The following SPATA17 variants were observed in gnomAD, a reference collection of about 807,000 sequenced individuals.
SPATA17 encodes the protein spermatogenesis-associated protein 17.
SPATA17 carries 53 observed loss-of-function variants against 62.2 expected under a neutral mutation model. That is an observed-to-expected ratio of 0.85 (90% CI 0.68 to 1.07). The LOEUF (loss-of-function observed/expected upper bound fraction) is 1.07, where lower values mean the gene tolerates loss of function less well. Ranked by LOEUF, SPATA17 falls within the 50% of genes least tolerant of loss-of-function variation. The pLI, the probability that SPATA17 is intolerant of heterozygous loss-of-function variation, is 0.00. For missense variants in SPATA17, 466 were observed against 425.5 expected (o/e 1.10, Z -0.84); for synonymous variants, 146 against 146.8 (o/e 0.99, Z 0.04).
chr1:217,838,603 ACTAT>A (rs1221852706), intron 9 of SPATA17, among the ~76,000 whole-genome samples: 1 of 152,080 alleles, frequency 6.6e-6, no homozygotes, highest in Non-Finnish European at 1.5e-5. Context: ...ATAGATATAT[ACTAT>A]CTATTTTGGA....
At chr1:217,826,064 A>G (rs1674994038) in intron 9 of SPATA17, among the ~76,000 whole-genome samples, 3 of 151,994 alleles carry the variant, frequency 2.0e-5, no homozygotes, top group Non-Finnish European at 4.4e-5. Flanking sequence ...TGCTGTAACA[A>G]TATACTACAG....
Position 217,867,853 on chromosome 1 carries a change from G to A in SPATA17, c.*834G>A, listed in dbSNP as rs1396625932. On this transcript the variant is annotated 3_prime_UTR_variant, in exon 11 of 11. Transcript: ENST00000366933. ...AATCTTTGTTTCTTGCATCTGAAGA[G>A]AATAACACTAAACTTATTGCATATG... 2 of 152,170 alleles carry A rather than the reference G, an allele frequency of 1.3e-5. No individual in the cohort carries two copies. The highest frequency in any genetic ancestry group is 2.9e-5 in the Non-Finnish European group (2 of 68,046). The allele number at this position is 152,170 out of a possible 1,614,324, so 9.4% of individuals were successfully genotyped here. A position where few individuals can be genotyped will look rare whatever the true frequency, so the allele number is the denominator to read the frequency against.
intron 1 of SPATA17, among the ~76,000 whole-genome samples, chr1:217,647,782 G>A (rs1000938274): frequency 1.6e-4 from 24 of 151,790 alleles, no homozygotes; most frequent in African/African-American, 5.6e-4. Flanking sequence ...GGAGTGCAAT[G>A]GCGCTATCTC....
chr1:217,792,953 G>A (rs1386868759), intron 8 of SPATA17, among the ~76,000 whole-genome samples: 1 of 152,140 alleles, frequency 6.6e-6, no homozygotes, highest in Non-Finnish European at 1.5e-5. Context: ...AAATTTGATA[G>A]CATGGAGGAT....
chr1:217,755,723 T>G (rs1673025885), intron 6 of SPATA17, among the ~76,000 whole-genome samples: 1 of 151,976 alleles, frequency 6.6e-6, no homozygotes, highest in Non-Finnish European at 1.5e-5. Context: ...ATAATATAAT[T>G]TTGTTGTATT....
chr1:217,835,769 C>T (rs987969681), intron 9 of SPATA17, among the ~76,000 whole-genome samples: 7 of 152,102 alleles, frequency 4.6e-5, no homozygotes, highest in African/African-American at 1.4e-4. Flanking sequence ...TTGCCAACCA[C>T]TATTCCAGAG....
At chr1:217,686,427 T>G (rs1671215523) in intron 5 of SPATA17, among the ~76,000 whole-genome samples, 1 of 152,172 alleles carries the variant, frequency 6.6e-6, no homozygotes, top group African/African-American at 2.4e-5. Flanking sequence ...CTTTAGTTGT[T>G]TTAGTCCATT....
intron 5 of SPATA17, among the ~76,000 whole-genome samples, chr1:217,692,696 C>T (rs919723549): frequency 2.5e-5 from 3 of 119,882 alleles, no homozygotes; most frequent in African/African-American, 9.6e-5. Context: ...GAGTTTTTAG[C>T]ATGAAGGTTG....
intron 7 of SPATA17, among the ~76,000 whole-genome samples, chr1:217,780,031 G>C (rs1289926489): frequency 2.0e-5 from 3 of 151,916 alleles, no homozygotes; most frequent in Non-Finnish European, 4.4e-5. Flanking sequence ...GGATGATCTA[G>C]GTATTCTAGG....
chr1:217,739,884 T>C (rs1209160700), intron 5 of SPATA17, among the ~76,000 whole-genome samples: 1 of 152,130 alleles, frequency 6.6e-6, no homozygotes, highest in Non-Finnish European at 1.5e-5. Context: ...TGGATGAATT[T>C]ATTAAATTAA....
chr1:217,749,058 T>A (rs1287774870), intron 6 of SPATA17, among the ~76,000 whole-genome samples: 1 of 152,166 alleles, frequency 6.6e-6, no homozygotes. Context: ...ATTACATTTG[T>A]GTGGGTATGT....
chr1:217,747,784 A>G (rs1404459583), intron 6 of SPATA17, among the ~76,000 whole-genome samples: 1 of 152,194 alleles, frequency 6.6e-6, no homozygotes, highest in African/African-American at 2.4e-5. Context: ...CATAATTTAT[A>G]CGATAGATTT....
intron 9 of SPATA17, among the ~76,000 whole-genome samples, chr1:217,815,001 G>A (rs552693224): frequency 1.3e-5 from 2 of 152,096 alleles, no homozygotes; most frequent in Non-Finnish European, 2.9e-5. Flanking sequence ...AATTAAACTC[G>A]TAACCTTATG....
intron 3 of SPATA17, among the ~76,000 whole-genome samples, chr1:217,661,995 C>A (rs1455203643): frequency 6.6e-6 from 1 of 152,122 alleles, no homozygotes; most frequent in Non-Finnish European, 1.5e-5. Context: ...ATAAGTCATT[C>A]TTTTAAGCAA....
chr1:217,861,652 C>T (rs1369137283), intron 9 of SPATA17, among the ~76,000 whole-genome samples: 1 of 152,146 alleles, frequency 6.6e-6, no homozygotes, highest in African/African-American at 2.4e-5. Context: ...CTCAGCCCCA[C>T]AGGAAAATGA....
At chr1:217,678,647 G>T (rs1671009574) in intron 4 of SPATA17, among the ~76,000 whole-genome samples, 1 of 152,066 alleles carries the variant, frequency 6.6e-6, no homozygotes. Flanking sequence ...AATATATCAA[G>T]GTTTTGCCAT....
At chr1:217,664,915 A>C (rs931738014) in intron 3 of SPATA17, among the ~76,000 whole-genome samples, 1 of 152,136 alleles carries the variant, frequency 6.6e-6, no homozygotes, top group Non-Finnish European at 1.5e-5. Context: ...CAGGGGAGAT[A>C]GGATTTGGAC....
At chr1:217,711,020 A>G (rs895765387) in intron 5 of SPATA17, among the ~76,000 whole-genome samples, 2 of 152,242 alleles carry the variant, frequency 1.3e-5, no homozygotes, top group Non-Finnish European at 2.9e-5. Flanking sequence ...GTCAAATAAC[A>G]TTTCATCGTA....
chr1:217,831,588 C>T (rs1675144126), intron 9 of SPATA17, among the ~76,000 whole-genome samples: 1 of 152,034 alleles, frequency 6.6e-6, no homozygotes, highest in Non-Finnish European at 1.5e-5. Flanking sequence ...ATAAAAAGGC[C>T]TACTCCAAAA....
Sources: gnomAD v4.1 joint callset for allele counts (sites outside exome capture counted in the v4.1 genomes callset) on GRCh38, gnomAD v4.1.1 for gene constraint, MANE v1.5 for transcripts, NCBI Gene and HGNC (gene_info 2026-07-23, HGNC 2026-07-21) for gene names.